Variants in HSP90B1 observed in about 807,000 individuals in gnomAD.
HSP90B1 encodes endoplasmin.
Under a neutral mutation model 100.4 loss-of-function variants are expected in HSP90B1, and 27 were observed. The observed-to-expected ratio is 0.27, with a 90% confidence interval of 0.20 to 0.37. The LOEUF (loss-of-function observed/expected upper bound fraction) is 0.37. Ranked by LOEUF, HSP90B1 falls within the 10% of genes least tolerant of loss-of-function variation. The probability of loss-of-function intolerance (pLI) is 1.00; values close to 1 mark genes in which losing one functional copy is unlikely to be tolerated. For synonymous variants in HSP90B1, 304 were observed against 330.8 expected, an observed-to-expected ratio of 0.92 and a Z score of 0.88; for missense variants, 678 against 960.5, an observed-to-expected ratio of 0.71 and a Z score of 3.89.
At chr12:103,939,213 C>T (rs1345502214) in intron 7 of HSP90B1, among the ~76,000 whole-genome samples, 1 of 115,640 alleles carries the variant, frequency 8.6e-6, no homozygotes, top group Non-Finnish European at 1.9e-5. Flanking sequence ...AGTCCTTTCA[C>T]CTCAGCCTCC....
At position 103,930,800 on chromosome 12, in the gene HSP90B1, G is replaced by A. The variant is rs1277303833; in HGVS notation, c.49+236G>A. Among the ~76,000 whole-genome samples, 1 of 152,150 alleles carries A rather than the reference G, an allele frequency of 6.6e-6. No homozygotes were observed. The highest frequency in any genetic ancestry group is 1.5e-5 in the Non-Finnish European group (1 of 68,036). On this transcript the variant is annotated intron_variant, in intron 1 of 17. Transcript: ENST00000299767. The surrounding 1 kb of genome is among the most constrained non-coding windows in gnomAD (Gnocchi z 4.4). Reference sequence around the variant, plus strand: ...CAGATCTAATAGTATCTCGCCCGGAGGTCTCAGCGACCTCGGGGTGGGGCC... The same window carrying A: ...CAGATCTAATAGTATCTCGCCCGGAAGTCTCAGCGACCTCGGGGTGGGGCC...
chr12:103,942,847 T>C, intron 12 of HSP90B1, 51 bp downstream of exon 12: 1 of 1,595,826 alleles, frequency 6.3e-7, no homozygotes, highest in Non-Finnish European at 8.6e-7. Context: ...TAGCTAGGGA[T>C]TTATAGCCAA....
chr12:103,943,473 A>G lies in HSP90B1; in HGVS notation c.1890+154A>G. 1.3e-6 allele frequency: 1 copy of G among 763,466 alleles called. No individual in the cohort carries two copies. The highest frequency in any genetic ancestry group is 2.1e-6 in the Non-Finnish European group (1 of 480,098). 47.3% of individuals were successfully genotyped at this position (763,466 alleles called of 1,614,324 possible). ...TTAAATTATTGGGAGAAAGCTTAAA[A>G]CTTTCGACAATACTGCTTTGTTAAT... On this transcript the variant is annotated intron_variant, in intron 13 of 17. Transcript: ENST00000299767. The surrounding 1 kb of genome is among the most constrained non-coding windows in gnomAD (Gnocchi z 5.3).
Position 103,937,343 on chromosome 12 carries a change from A to G in HSP90B1, c.744-352A>G, listed in dbSNP as rs560893688. On this transcript the variant is annotated intron_variant, in intron 5 of 17. Coordinates refer to ENST00000299767, the MANE Select transcript of HSP90B1 (RefSeq NM_003299.3). ...CAATAATCATTAGGTTTCTGGAATA[A>G]CAGTAAGAGCTATGAGAGTGCATGA... 2.6e-5 allele frequency among the ~76,000 whole-genome samples: 4 copies of G among 152,374 alleles called. No homozygotes were observed. The East Asian group carries it at 7.7e-4, about 29-fold the overall frequency.
chr12:103,937,581 A>G (rs1329190705), intron 5 of HSP90B1, 114 bp from the exon 6 acceptor site: 5 of 653,416 alleles, frequency 7.7e-6, no homozygotes, highest in Non-Finnish European at 1.4e-5. Context: ...AACATGAATA[A>G]TTAGGACATC....
At chr12:103,938,057 G>A (rs552574212) in intron 6 of HSP90B1, among the ~76,000 whole-genome samples, 1 of 151,862 alleles carries the variant, frequency 6.6e-6, no homozygotes, top group African/African-American at 2.4e-5. Context: ...TGTAATCCCA[G>A]CTACTCGGGA....
Position 103,934,150 on chromosome 12 carries a change from C to T in HSP90B1, c.606C>T (p.Ala202=), listed in dbSNP as rs931684406. 3 of 1,614,190 alleles carry T rather than the reference C, an allele frequency of 1.9e-6. No individual in the cohort carries two copies. The highest frequency in any genetic ancestry group is 3.3e-5 in the Admixed American group (2 of 60,032). ...AGTTTGGTGTCGGTTTCTATTCCGC[C>T]TTCCTTGTAGCAGATAAGGTTATTG... ...IGQFGVGFYS[A]FLVADKVIVT... is the part of the protein sequence containing the mutation. The change falls in exon 5 of 18, where the codon GCC becomes GCT. Residue 202 remains alanine (A), a synonymous_variant. Transcript: ENST00000299767.
Position 103,941,636 on chromosome 12 carries a change from T to C in HSP90B1, c.1238T>C (p.Val413Ala). Residue 413 changes from valine (V) to alanine (A), a missense_variant, in exon 10 of 18, where the codon GTG becomes GCG. By Grantham distance (64) the Val-to-Ala change is moderately conservative. Coordinates refer to ENST00000299767, the MANE Select transcript of HSP90B1 (RefSeq NM_003299.3). ...SKKSDYIKLY[V>A]RRVFITDDFH... ...TTTTTTTGGTCTCTTTAGCTCTATG[T>C]GCGCCGTGTATTCATCACAGACGAC... The C allele has an allele frequency of 1.2e-6, 2 of 1,614,182 alleles. No homozygotes were observed. The highest frequency in any genetic ancestry group is 2.2e-5 in the East Asian group (1 of 44,890).
rs116300003 is a variant in HSP90B1 at position 103,931,645 on chromosome 12, C to G, written c.152+22C>G. On this transcript the variant is annotated intron_variant, in intron 2 of 17. Coordinates refer to ENST00000299767, the MANE Select transcript of HSP90B1 (RefSeq NM_003299.3). Reference sequence around the variant, plus strand: ...AGAGGTTTGTGTTCATTTGAACTTACGTATACAGATAAGCCGTGTGAACCT... The same window carrying G: ...AGAGGTTTGTGTTCATTTGAACTTAGGTATACAGATAAGCCGTGTGAACCT... 7.6e-4 allele frequency: 1,161 copies of G among 1,521,744 alleles called. 8 individuals are homozygous for G. In the African/African-American group the frequency reaches 0.013, roughly 17 times the overall value. The allele number at this position is 1,521,744 out of a possible 1,614,324, so 94.3% of individuals were successfully genotyped here.
chr12:103,934,394 C>T, intron 5 of HSP90B1, 107 bp downstream of exon 5: 1 of 908,372 alleles, frequency 1.1e-6, no homozygotes, highest in Non-Finnish European at 1.7e-6. Context: ...AATTTTCCTG[C>T]CTTATAAAAT....
At chr12:103,941,601 G>C in intron 9 of HSP90B1, 28 bp from the exon 10 acceptor site, 1 of 1,613,822 alleles carries the variant, frequency 6.2e-7, no homozygotes, top group Non-Finnish European at 8.5e-7. Flanking sequence ...TTAATTTCCA[G>C]AAAGTGACTT....
At chr12:103,942,416 A>T (rs1260239057) in intron 11 of HSP90B1, 111 bp from the exon 12 acceptor site, 2 of 950,198 alleles carry the variant, frequency 2.1e-6, no homozygotes, top group East Asian at 5.2e-5. Context: ...CCCTCAATAA[A>T]TGGCAATAAC....
At chr12:103,945,768 C>T (rs1212675560) in intron 14 of HSP90B1, among the ~76,000 whole-genome samples, 1 of 152,134 alleles carries the variant, frequency 6.6e-6, no homozygotes, top group Non-Finnish European at 1.5e-5. Flanking sequence ...CCACTTGCTC[C>T]CCACCCCACC....
rs372933336 is a variant in HSP90B1 at position 103,930,453 on chromosome 12, G to C, written c.-63G>C. On this transcript the variant is annotated 5_prime_UTR_variant, in exon 1 of 18. Coordinates refer to ENST00000299767, the MANE Select transcript of HSP90B1 (RefSeq NM_003299.3). The surrounding 1 kb of genome is among the most constrained non-coding windows in gnomAD (Gnocchi z 4.4). ...CTGGAGGTGTGAGGATCCGAACCCAGGGGTGGGGGGTGGAGGCGGCTCCTG... is the reference window on the plus strand; with the variant it reads ...CTGGAGGTGTGAGGATCCGAACCCACGGGTGGGGGGTGGAGGCGGCTCCTG... 6.9e-6 allele frequency: 8 copies of C among 1,158,856 alleles called. No homozygotes were observed. In the African/African-American group the frequency reaches 8.8e-5, roughly 13 times the overall value. 71.8% of individuals were successfully genotyped at this position (1,158,856 alleles called of 1,614,324 possible).
At chr12:103,933,860 G>T in intron 4 of HSP90B1, 96 bp from the exon 5 acceptor site, 1 of 905,084 alleles carries the variant, frequency 1.1e-6, no homozygotes, top group Non-Finnish European at 1.7e-6. Context: ...TTTCTGTATT[G>T]GAATTGATGG....
In HSP90B1 at chr12:103,930,455, G is replaced by A. The variant is rs961030057; in HGVS notation, c.-61G>A. ...GGAGGTGTGAGGATCCGAACCCAGG[G>A]GTGGGGGGTGGAGGCGGCTCCTGCG... On this transcript the variant is annotated 5_prime_UTR_variant, in exon 1 of 18. Transcript: ENST00000299767. The surrounding 1 kb of genome is among the most constrained non-coding windows in gnomAD (Gnocchi z 4.4). 1.6e-5 allele frequency: 19 copies of A among 1,164,504 alleles called. No homozygotes were observed. The highest frequency in any genetic ancestry group is 2.5e-5 in the East Asian group (1 of 40,666). The allele number at this position is 1,164,504 out of a possible 1,614,324, so 72.1% of individuals were successfully genotyped here.
At chr12:103,940,334 T>TG (rs368933440) in intron 8 of HSP90B1, among the ~76,000 whole-genome samples, 8 of 151,712 alleles carry the variant, frequency 5.3e-5, no homozygotes, top group African/African-American at 1.2e-4. Flanking sequence ...TTTCCTTGCC[T>TG]GTTTTTTTTT....
intron 5 of HSP90B1, among the ~76,000 whole-genome samples, chr12:103,935,515 A>G (rs1056642174): frequency 2.6e-5 from 4 of 152,164 alleles, no homozygotes; most frequent in African/African-American, 9.7e-5. Flanking sequence ...CATACTTATC[A>G]TTGTGACCAA....
chr12:103,947,134 G>C (rs79892839), intron 16 of HSP90B1, among the ~76,000 whole-genome samples, 177 bp from the exon 17 acceptor site: 1 of 152,140 alleles, frequency 6.6e-6, no homozygotes, highest in Non-Finnish European at 1.5e-5. Context: ...CTCCTTTTAC[G>C]TCCTCTTTCC....
Sources: allele counts gnomAD v4.1 joint callset (sites outside exome capture counted in the v4.1 genomes callset), GRCh38; gene constraint gnomAD v4.1.1; non-coding constraint Gnocchi (gnomAD v3.1); transcripts MANE v1.5; gene names NCBI Gene and HGNC (gene_info 2026-07-23, HGNC 2026-07-21).